GXYLT1: variants seen among roughly 807,000 people sequenced by gnomAD.
GXYLT1 encodes the protein glycosyltransferase 8 domain containing 3.
A neutral mutation model predicts 54.0 loss-of-function variants in GXYLT1; 29 were observed. The observed-to-expected ratio is 0.54, with a 90% CI of 0.40 to 0.73. GXYLT1 has a LOEUF of 0.73. Among genes scored for constraint, GXYLT1 ranks in the 30% least tolerant of loss-of-function variants. The pLI, the probability that GXYLT1 is intolerant of heterozygous loss-of-function variation, is 0.00. For synonymous variants in GXYLT1, 176 were observed against 204.1 expected (o/e 0.86, Z 1.17); for missense variants, 490 against 553.4 (o/e 0.89, Z 1.15).
intron 2 of GXYLT1, among the ~76,000 whole-genome samples, chr12:42,128,597 A>G (rs1421760355): frequency 6.6e-6 from 1 of 152,222 alleles, no homozygotes; most frequent in Non-Finnish European, 1.5e-5. Flanking sequence ...CTCCCATCAG[A>G]ACGTAAGCTC....
At position 42,083,869 on chromosome 12, in the gene GXYLT1, G is replaced by C. The variant is rs2065269042; in HGVS notation, c.*3917C>G. Reference sequence around the variant, plus strand: ...CCCTCCACTTCCAACCTCCACTGGGGAATATGTAGTTAGTCTTGCAGTCTA... The same window carrying C: ...CCCTCCACTTCCAACCTCCACTGGGCAATATGTAGTTAGTCTTGCAGTCTA... On this transcript the variant is annotated 3_prime_UTR_variant, in exon 8 of 8. Transcript: ENST00000398675. 1 of 152,076 alleles carries C rather than the reference G, an allele frequency of 6.6e-6. No individual in the cohort carries two copies. The allele number at this position is 152,076 out of a possible 1,614,324, so 9.4% of individuals were successfully genotyped here. A position where few individuals can be genotyped will look rare whatever the true frequency, so the allele number is the denominator to read the frequency against.
intron 4 of GXYLT1, among the ~76,000 whole-genome samples, chr12:42,107,734 G>A (rs545832829): frequency 1.3e-5 from 2 of 152,196 alleles, no homozygotes; most frequent in East Asian, 1.9e-4. Context: ...GAGTCTGTAT[G>A]TCTATCTCAC....
In GXYLT1 at chr12:42,144,651, C is replaced by A. The variant is rs1311764698; in HGVS notation, c.-5G>T. On this transcript the variant is annotated 5_prime_UTR_variant, in exon 1 of 8. Transcript: ENST00000398675. ...GACGCGCAGGTAGCGCCGCATCGCC[C>A]CGGCCGCGCTCCTCCTTCGCCGCCG... The A allele has an allele frequency of 1.4e-6, 2 of 1,440,248 alleles. No homozygotes were observed. Among genetic ancestry groups the A allele is most frequent in the African/African-American group, 2.9e-5 (2 of 68,116 alleles). 89.2% of individuals were successfully genotyped at this position (1,440,248 alleles called of 1,614,324 possible). A position where few individuals can be genotyped will look rare whatever the true frequency, so the allele number is the denominator to read the frequency against.
At chr12:42,104,523 T>A in intron 5 of GXYLT1, among the ~76,000 whole-genome samples, 1 of 148,276 alleles carries the variant, frequency 6.7e-6, no homozygotes, top group South Asian at 2.2e-4. Context: ...TAAATTTAAA[T>A]CAGAATTTTA....
chr12:42,134,207 GAA>G (rs979993247), intron 1 of GXYLT1, among the ~76,000 whole-genome samples: 1 of 148,130 alleles, frequency 6.8e-6, no homozygotes, highest in Non-Finnish European at 1.5e-5. Context: ...TCTGACAAAA[GAA>G]AAAAAAAGAG....
At chr12:42,130,684 C>A (rs2065588971) in intron 1 of GXYLT1, among the ~76,000 whole-genome samples, 1 of 152,166 alleles carries the variant, frequency 6.6e-6, no homozygotes, top group South Asian at 2.1e-4. Context: ...GGCACAGTGG[C>A]TCACATCTAT....
At chr12:42,098,969 A>T (rs1440151990) in intron 5 of GXYLT1, among the ~76,000 whole-genome samples, 1 of 152,038 alleles carries the variant, frequency 6.6e-6, no homozygotes, top group Admixed American at 6.6e-5. Flanking sequence ...AAGTCAAAGA[A>T]GATTTGCTGA....
At position 42,129,785 on chromosome 12, in the gene GXYLT1, C is replaced by T. The variant is rs763274911; in HGVS notation, c.288G>A (p.Met96Ile). Residue 96 changes from methionine (M) to isoleucine (I), a missense_variant, in exon 2 of 8, where the codon ATG (methionine) becomes ATA (isoleucine). Met to Ile is a conservative substitution (Grantham distance 10). Coordinates refer to ENST00000398675, the MANE Select transcript of GXYLT1 (RefSeq NM_173601.2). Reference sequence around the variant, plus strand: ...TAAAAGCCGCTTCCCAAAAGCAGTTCATTCCACAAACATCAGAGGGCAGCA... The same window carrying T: ...TAAAAGCCGCTTCCCAAAAGCAGTTTATTCCACAAACATCAGAGGGCAGCA... Reference protein sequence around the residue: ...YWMLPSDVCGMNCFWEAAFRY... With the variant: ...YWMLPSDVCGINCFWEAAFRY... 2 of 1,613,630 alleles carry T rather than the reference C, an allele frequency of 1.2e-6. No individual in the cohort carries two copies. Among genetic ancestry groups the T allele is most frequent in the Non-Finnish European group, 1.7e-6 (2 of 1,179,724 alleles).
intron 1 of GXYLT1, among the ~76,000 whole-genome samples, chr12:42,141,915 C>T (rs1406415583): frequency 2.6e-5 from 4 of 152,130 alleles, no homozygotes; most frequent in Non-Finnish European, 5.9e-5. Context: ...TTTTAAAGTT[C>T]TTACTTCAAG....
chr12:42,115,546 G>T (rs973616120), intron 3 of GXYLT1, among the ~76,000 whole-genome samples: 23 of 152,206 alleles, frequency 1.5e-4, no homozygotes, highest in Middle Eastern at 3.4e-3. Context: ...TCAAAGAGAA[G>T]AAAATACCTA....
rs75877508 is a variant in GXYLT1, at chr12:42,088,625, C to T, written c.1162-678G>A. Reference sequence around the variant, plus strand: ...CTTTTACTATAAAATATACTAATATCGAGAAATAAATTTTGGAAAAGGCTG... The same window carrying T: ...CTTTTACTATAAAATATACTAATATTGAGAAATAAATTTTGGAAAAGGCTG... On this transcript the variant is annotated intron_variant, in intron 7 of 7. Transcript: ENST00000398675. Among the ~76,000 whole-genome samples, 991 of 151,862 alleles carry T rather than the reference C, an allele frequency of 6.5e-3. 40 individuals are homozygous for T. In the East Asian group the frequency reaches 0.089, roughly 14 times the overall value.
chr12:42,108,343 TTG>T (rs2065432769), intron 4 of GXYLT1, among the ~76,000 whole-genome samples: 1 of 152,142 alleles, frequency 6.6e-6, no homozygotes. Context: ...TCAATACTAT[TTG>T]TGTGATTATT....
In GXYLT1 at chr12:42,083,868, G is replaced by A. The variant is rs2065269020; in HGVS notation, c.*3918C>T. 6.6e-6 allele frequency: 1 copy of A among 151,994 alleles called. No individual in the cohort carries two copies. The highest frequency in any genetic ancestry group is 2.1e-4 in the South Asian group (1 of 4,818). The allele number at this position is 151,994 out of a possible 1,614,324, so 9.4% of individuals were successfully genotyped here. On this transcript the variant is annotated 3_prime_UTR_variant, in exon 8 of 8. Coordinates refer to ENST00000398675, the MANE Select transcript of GXYLT1 (RefSeq NM_173601.2). ...CCCCTCCACTTCCAACCTCCACTGG[G>A]GAATATGTAGTTAGTCTTGCAGTCT...
At chr12:42,143,456 G>T (rs1264454834) in intron 1 of GXYLT1, among the ~76,000 whole-genome samples, 1 of 152,140 alleles carries the variant, frequency 6.6e-6, no homozygotes, top group Non-Finnish European at 1.5e-5. Flanking sequence ...TTCTGGGAAT[G>T]ACCATCGACT....
intron 7 of GXYLT1, among the ~76,000 whole-genome samples, chr12:42,091,541 C>T (rs2065329436): frequency 1.3e-5 from 2 of 152,052 alleles, no homozygotes; most frequent in Admixed American, 6.6e-5. Context: ...TCTGACAACC[C>T]ATAATAAAGC....
In GXYLT1 at chr12:42,105,841, G is replaced by C. The variant is rs1224958895; in HGVS notation, c.841C>G (p.Arg281Gly). 1 of 1,611,448 alleles carries C rather than the reference G, an allele frequency of 6.2e-7. No homozygotes were observed. Among genetic ancestry groups the C allele is most frequent in the Non-Finnish European group, 8.5e-7 (1 of 1,178,784 alleles). The stretch of plus-strand genomic sequence containing the variant: ...ACCTTGAAATACTTCCTTCTCATTC[G>C]AGTCATGTTCATCAACATAACTCCA... ...NSGVMLMNMT[R>G]MRRKYFKNDM... The change falls in exon 5 of 8, where the codon CGA becomes GGA. Residue 281 changes from arginine (R) to glycine (G), a missense_variant. This residue lies in a region of GXYLT1 where 342 missense variants were observed against 342.6 expected (regional missense o/e 1.00). Transcript: ENST00000398675.
chr12:42,132,108 A>C (rs2065596596), intron 1 of GXYLT1, among the ~76,000 whole-genome samples: 1 of 152,180 alleles, frequency 6.6e-6, no homozygotes, highest in Non-Finnish European at 1.5e-5. Flanking sequence ...TTGCAGCCTC[A>C]ACTTGTACTT....
At chr12:42,129,632 C>T (rs1004183628) in intron 2 of GXYLT1, 127 bp downstream of exon 2, 14 of 554,648 alleles carry the variant, frequency 2.5e-5, no homozygotes, top group Non-Finnish European at 3.7e-5. Flanking sequence ...AAATAGAAAA[C>T]CCAATAAGAA....
In GXYLT1 at chr12:42,084,355, A is replaced by G. The variant is rs80010544; in HGVS notation, c.*3431T>C. 3,069 of 35,234 alleles carry G rather than the reference A, an allele frequency of 0.087. No individual in the cohort carries two copies. Among genetic ancestry groups the G allele is most frequent in the African/African-American group, 0.096 (903 of 9,416 alleles). 2.2% of individuals were successfully genotyped at this position (35,234 alleles called of 1,614,324 possible). A position where few individuals can be genotyped will look rare whatever the true frequency, so the allele number is the denominator to read the frequency against. On this transcript the variant is annotated 3_prime_UTR_variant, in exon 8 of 8. Transcript: ENST00000398675. ...TAGTTACATCATTCTTTTCTTCTCT[A>G]CTTTCTCTTCCTGAAAAACTCTTCC...
Sources: allele counts gnomAD v4.1 joint callset (sites outside exome capture counted in the v4.1 genomes callset), GRCh38; gene constraint gnomAD v4.1.1; regional missense constraint gnomAD v4.1.1; transcripts MANE v1.5; gene names NCBI Gene and HGNC (gene_info 2026-07-23, HGNC 2026-07-21).